The following ZNF287 variants were observed in gnomAD, a reference collection of about 807,000 sequenced individuals.
ZNF287 encodes zinc finger protein with KRAB and SCAN domains 13.
A neutral mutation model predicts 73.7 loss-of-function variants in ZNF287; 31 were observed. The observed-to-expected ratio is 0.42, with a 90% confidence interval of 0.32 to 0.57. ZNF287 has a LOEUF of 0.57. Among genes scored for constraint, ZNF287 ranks in the 20% least tolerant of loss-of-function variants. The pLI is 0.13. For missense variants in ZNF287, 641 were observed against 909.3 expected (o/e 0.70, Z 3.79); for synonymous variants, 301 against 307.2 (o/e 0.98, Z 0.21).
At chr17:16,557,919 C>T (rs1907182350) in intron 5 of ZNF287, 1 of 152,180 alleles carries the variant, frequency 6.6e-6, no homozygotes, top group African/African-American at 2.4e-5. Context: ...AAAAATCCCC[C>T]CTCTCCAAAT....
chr17:16,565,493 T>C (rs529445852), intron 3 of ZNF287, among the ~76,000 whole-genome samples: 1 of 152,024 alleles, frequency 6.6e-6, no homozygotes, highest in African/African-American at 2.4e-5. Context: ...TTTTCTGTAG[T>C]CATTTTATCC....
At position 16,552,963 on chromosome 17, in the gene ZNF287, C is replaced by T; in HGVS notation, c.1179G>A (p.Glu393=). The T allele has an allele frequency of 1.2e-6, 2 of 1,614,140 alleles. No homozygotes were observed. Among genetic ancestry groups the T allele is most frequent in the Non-Finnish European group, 1.7e-6 (2 of 1,180,026 alleles). ...CACATTCTTCACATTCATACGATTT[C>T]TCTTTGGCATGGGTACTTTGGTGTT... ...LLKHQSTHAK[E]KSYECEECGK... Residue 393 remains glutamate (E), a synonymous_variant, in exon 6 of 6, where the codon GAG becomes GAA. Transcript: ENST00000395825. This position sits in a 1 kb window ranked among gnomAD's most constrained non-coding sequence, Gnocchi z 6.5.
At position 16,553,055 on chromosome 17, in the gene ZNF287, G is replaced by C; in HGVS notation, c.1087C>G (p.Pro363Ala). Residue 363 changes from proline (P) to alanine (A), a missense_variant, in exon 6 of 6, where the codon CCT becomes GCT. Physicochemically the swap from Pro to Ala is conservative, Grantham distance 27 (BLOSUM62 -1). This residue lies in a region of ZNF287 where 357 missense variants were observed against 442.4 expected (regional missense o/e 0.81). Coordinates refer to ENST00000395825, the MANE Select transcript of ZNF287 (RefSeq NM_020653.4). ...SYGIVHRKILPGEKPYKCNVC... is the reference protein window; with the variant it reads ...SYGIVHRKILAGEKPYKCNVC... ...TTACACTTGTAAGGCTTCTCTCCAG[G>C]AAGTATTTTCCTATGTACAATACCA... The C allele has an allele frequency of 1.9e-6, 3 of 1,614,160 alleles. No homozygotes were observed. The highest frequency in any genetic ancestry group is 2.7e-5 in the African/African-American group (2 of 75,048).
Position 16,552,502 on chromosome 17 carries a change from T to C in ZNF287, c.1640A>G (p.Gln547Arg). Residue 547 changes from glutamine to arginine, a missense_variant, in exon 6 of 6, where the codon CAG becomes CGG. This residue lies in a region of ZNF287 where 284 missense variants were observed against 466.8 expected (regional missense o/e 0.61). Coordinates refer to ENST00000395825, the MANE Select transcript of ZNF287 (RefSeq NM_020653.4). The surrounding 1 kb of genome is among the most constrained non-coding windows in gnomAD (Gnocchi z 6.5). ...KCNECWKVFS[Q>R]STYLIRHQRI... is the part of the protein sequence containing the mutation. ...CTGATGTCGAATAAGGTAAGTACTC[T>C]GACTAAACACTTTCCAACATTCATT... is the stretch of plus-strand genomic sequence containing the variant. 4 of 1,614,152 alleles carry C rather than the reference T, an allele frequency of 2.5e-6. No homozygotes were observed. Among genetic ancestry groups the C allele is most frequent in the African/African-American group, 1.3e-5 (1 of 75,056 alleles).
chr17:16,566,325 A>G (rs370666449), intron 3 of ZNF287, among the ~76,000 whole-genome samples, 200 bp downstream of exon 3: 1 of 152,188 alleles, frequency 6.6e-6, no homozygotes. Flanking sequence ...AAGGAAAGAC[A>G]TATCAAGGGA....
chr17:16,563,075 A>G, intron 5 of ZNF287, 71 bp downstream of exon 5: 1 of 1,242,926 alleles, frequency 8.0e-7, no homozygotes. Flanking sequence ...CATATTTAAA[A>G]TGCATTTCTC....
intron 5 of ZNF287, among the ~76,000 whole-genome samples, chr17:16,555,305 A>G (rs559185919): frequency 1.3e-5 from 2 of 152,264 alleles, no homozygotes; most frequent in South Asian, 4.1e-4. Context: ...TCAGGCTTCT[A>G]TATATGCTCC....
chr17:16,565,808 G>A lies in ZNF287; in HGVS notation c.501+717C>T, dbSNP rs978984072. On this transcript the variant is annotated intron_variant, in intron 3 of 5. Transcript: ENST00000395825. ...TCAAGACCAGCATGAGCAACATGGC[G>A]AAACCCTGTCTCTACTAAAAATACA... Among the ~76,000 whole-genome samples, 5 of 152,220 alleles carry A rather than the reference G, an allele frequency of 3.3e-5. No individual in the cohort carries two copies. In the East Asian group the frequency reaches 5.8e-4, roughly 18 times the overall value.
chr17:16,555,970 G>T (rs1363632342), intron 5 of ZNF287, among the ~76,000 whole-genome samples: 9 of 151,984 alleles, frequency 5.9e-5, no homozygotes, highest in Non-Finnish European at 1.3e-4. Flanking sequence ...AATTGAAAAT[G>T]ACAGCTACAT....
At chr17:16,555,233 T>C (rs1357990992) in intron 5 of ZNF287, among the ~76,000 whole-genome samples, 1 of 152,170 alleles carries the variant, frequency 6.6e-6, no homozygotes, top group Non-Finnish European at 1.5e-5. Context: ...GTACCAGCAC[T>C]ATTACTGATA....
intron 3 of ZNF287, among the ~76,000 whole-genome samples, chr17:16,565,980 C>G (rs1907719736): frequency 6.6e-6 from 1 of 152,130 alleles, no homozygotes. Context: ...GAGTGCGACT[C>G]TGTCTCAAAA....
At position 16,569,144 on chromosome 17, in the gene ZNF287, A is replaced by C. The variant is rs1907929773; in HGVS notation, c.-391T>G. On this transcript the variant is annotated 5_prime_UTR_variant, in exon 1 of 6. Coordinates refer to ENST00000395825, the MANE Select transcript of ZNF287 (RefSeq NM_020653.4). ...AGCTGCACGTTCCAGCCCGGTCCTG[A>C]GAAGCCCGGCCCAGAAACCCCGGCG... 1 of 152,376 alleles carries C rather than the reference A, an allele frequency of 6.6e-6. No individual in the cohort carries two copies. Among genetic ancestry groups the C allele is most frequent in the African/African-American group, 2.4e-5 (1 of 41,466 alleles). The allele number at this position is 152,376 out of a possible 1,614,324, so 9.4% of individuals were successfully genotyped here. A position where few individuals can be genotyped will look rare whatever the true frequency, so the allele number is the denominator to read the frequency against.
Position 16,552,485 on chromosome 17 carries a change from G to A in ZNF287, c.1657C>T (p.Arg553Ter), listed in dbSNP as rs759758331. ...TCTCCAGAATGAATTCTCTGATGTC[G>A]AATAAGGTAAGTACTCTGACTAAAC... is the stretch of plus-strand genomic sequence containing the variant. Reference protein sequence around the residue: ...KVFSQSTYLIRHQRIHSGEKC... With the variant: ...KVFSQSTYLI The change falls in exon 6 of 6, where the codon CGA (arginine) becomes TGA (stop). Residue 553 changes from arginine to a stop codon, truncating the protein, a stop_gained. Coordinates refer to ENST00000395825, the MANE Select transcript of ZNF287 (RefSeq NM_020653.4). LOFTEE classifies it high-confidence loss of function. The surrounding 1 kb of genome is among the most constrained non-coding windows in gnomAD (Gnocchi z 6.5). 6 of 1,613,836 alleles carry A rather than the reference G, an allele frequency of 3.7e-6. No homozygotes were observed. The highest frequency in any genetic ancestry group is 2.2e-5 in the East Asian group (1 of 44,882).
rs750109686 is a variant in ZNF287 at position 16,551,947 on chromosome 17, T to C, written c.2195A>G (p.Tyr732Cys). 3.1e-6 allele frequency: 5 copies of C among 1,614,122 alleles called. No individual in the cohort carries two copies. The highest frequency in any genetic ancestry group is 1.1e-5 in the South Asian group (1 of 91,082). ...HQRIHTGEKP[Y>C]ACRICGKTFT... ...GGTTTTACCACATATACGACATGCATAGGGTTTCTCTCCTGTGTGAATTCT... is the reference window on the plus strand; with the variant it reads ...GGTTTTACCACATATACGACATGCACAGGGTTTCTCTCCTGTGTGAATTCT... Residue 732 changes from tyrosine to cysteine, a missense_variant, in exon 6 of 6, where the codon TAT becomes TGT. This residue lies in a region of ZNF287 where 284 missense variants were observed against 466.8 expected (regional missense o/e 0.61). Transcript: ENST00000395825.
chr17:16,555,471 G>A (rs921315513), intron 5 of ZNF287, among the ~76,000 whole-genome samples: 12 of 151,940 alleles, frequency 7.9e-5, no homozygotes, highest in Non-Finnish European at 1.5e-4. Flanking sequence ...TTCACATTTC[G>A]TTTAGAAAAT....
rs1158494313 is a variant in ZNF287 at position 16,551,982 on chromosome 17, A to G, written c.2160T>C (p.Ile720=). The change falls in exon 6 of 6, where the codon ATT becomes ATC. Residue 720 remains isoleucine, a synonymous_variant. Transcript: ENST00000395825. Reference sequence around the variant, plus strand: ...CTCCTGTGTGAATTCTCTGGTGTTGAATAAGGCATGTTCTCTGGCTAAAAT... The same window carrying G: ...CTCCTGTGTGAATTCTCTGGTGTTGGATAAGGCATGTTCTCTGGCTAAAAT... The part of the protein sequence containing the change: ...DKDFSQRTCL[I]QHQRIHTGEK... The G allele has an allele frequency of 8.7e-6, 14 of 1,614,036 alleles. No homozygotes were observed. The highest frequency in any genetic ancestry group is 1.7e-5 in the Admixed American group (1 of 60,010).
chr17:16,553,433 T>TA lies in ZNF287; in HGVS notation c.716-8dup. On this transcript the variant is annotated splice_region_variant and splice_polypyrimidine_tract_variant and intron_variant, in intron 5 of 5. Transcript: ENST00000395825. Reference sequence around the variant, plus strand: ...TGGGCTTTAGTTTCCCATTCTGAAATAAAAAATATATTAAAAAATCTTCAT... The same window carrying TA: ...TGGGCTTTAGTTTCCCATTCTGAAATAAAAAAATATATTAAAAAATCTTCAT... The TA allele has an allele frequency of 2.1e-6, 3 of 1,462,410 alleles. No individual in the cohort carries two copies. The highest frequency in any genetic ancestry group is 2.7e-6 in the Non-Finnish European group (3 of 1,104,692). 90.6% of individuals were successfully genotyped at this position (1,462,410 alleles called of 1,614,324 possible). A position where few individuals can be genotyped will look rare whatever the true frequency, so the allele number is the denominator to read the frequency against.
At chr17:16,565,076 C>T (rs1333609902) in intron 3 of ZNF287, among the ~76,000 whole-genome samples, 2 of 151,572 alleles carry the variant, frequency 1.3e-5, no homozygotes, top group Non-Finnish European at 2.9e-5. Context: ...TATTGGAGGC[C>T]AGGCGCAGTG....
intron 5 of ZNF287, among the ~76,000 whole-genome samples, chr17:16,561,478 A>C (rs1907449990): frequency 6.6e-6 from 1 of 152,228 alleles, no homozygotes; most frequent in Non-Finnish European, 1.5e-5. Flanking sequence ...CAAAGAATGC[A>C]CCTTTAAAAA....
Sources: gnomAD v4.1 joint callset for allele counts (sites outside exome capture counted in the v4.1 genomes callset) on GRCh38, gnomAD v4.1.1 for gene constraint, gnomAD v4.1.1 regional missense constraint, Gnocchi (gnomAD v3.1) non-coding constraint, MANE v1.5 for transcripts, NCBI Gene and HGNC (gene_info 2026-07-23, HGNC 2026-07-21) for gene names.